Variants in MUC4 observed in about 807,000 individuals in gnomAD.
MUC4 encodes mucin-4.
In MUC4, 202 loss-of-function variants were observed where a neutral mutation model predicts 257.9. The ratio of observed to expected loss-of-function variants is 0.78; its 90% CI spans 0.70 to 0.88. The LOEUF is 0.88. MUC4 is among the 40% of genes least tolerant of loss of function. MUC4 has a pLI of 0.00. For missense variants in MUC4, 5,976 were observed against 6,513.7 expected (o/e 0.92, Z 2.84); for synonymous variants, 2,351 against 2,757.1 (o/e 0.85, Z 4.62).
rs1560403842 is a variant in MUC4, at chr3:195,791,217, T to C, written c.363A>G (p.Thr121=). The change falls in exon 2 of 25, where the codon ACA becomes ACG. Residue 121 remains threonine (T), a synonymous_variant. Coordinates refer to ENST00000463781, the MANE Select transcript of MUC4 (RefSeq NM_018406.7). ...METAPPDEMT[T]SFPSSVTNTL... is the part of the protein sequence containing the mutation. Reference sequence around the variant, plus strand: ...TGTTGGTGACACTGGAGGGAAATGATGTGGTCATTTCATCTGGAGGAGCTG... The same window carrying C: ...TGTTGGTGACACTGGAGGGAAATGACGTGGTCATTTCATCTGGAGGAGCTG... 6.2e-7 allele frequency: 1 copy of C among 1,613,728 alleles called. No homozygotes were observed. Among genetic ancestry groups the C allele is most frequent in the South Asian group, 1.1e-5 (1 of 91,074 alleles).
rs1731439288 is a variant in MUC4, at chr3:195,785,760, A to ATACTGAGGAAGCGTCG, written c.5819_5820insCGACGCTTCCTCAGTA (p.Ser1941AspfsTer6). On this transcript the variant is annotated frameshift_variant, in exon 2 of 25. Transcript: ENST00000463781. LOFTEE classifies it high-confidence loss of function. ...GACCTGAGGATGCTGAGGAAGGGCT[A>ATACTGAGGAAGCGTCG]GTGACAGGAAGAGGCGTGGTGTCAC... 1.6e-6 allele frequency: 1 copy of ATACTGAGGAAGCGTCG among 629,734 alleles called. No individual in the cohort carries two copies. Among genetic ancestry groups the ATACTGAGGAAGCGTCG allele is most frequent in the Non-Finnish European group, 2.1e-6 (1 of 468,250 alleles). The allele number at this position is 629,734 out of a possible 1,614,324, so 39.0% of individuals were successfully genotyped here.
At chr3:195,748,710 G>A (rs1174882157) in intron 24 of MUC4, among the ~76,000 whole-genome samples, 192 bp downstream of exon 24, 2 of 152,284 alleles carry the variant, frequency 1.3e-5, no homozygotes, top group Non-Finnish European at 2.9e-5. Context: ...GCTCTTTTGG[G>A]TTTCAGAGTT....
chr3:195,754,389 G>C lies in MUC4; in HGVS notation c.15169-17C>G. 1 of 1,594,248 alleles carries C rather than the reference G, an allele frequency of 6.3e-7. No individual in the cohort carries two copies. Among genetic ancestry groups the C allele is most frequent in the African/African-American group, 1.3e-5 (1 of 74,552 alleles). ...GCCAGCCACCTGGAGGAGGGTTGCC[G>C]ATCACGGGCGGCCAGGAGACCAAAC... On this transcript the variant is annotated splice_polypyrimidine_tract_variant and intron_variant, in intron 18 of 24. Transcript: ENST00000463781.
At chr3:195,801,863 C>G (rs982364340) in intron 1 of MUC4, among the ~76,000 whole-genome samples, 4 of 152,142 alleles carry the variant, frequency 2.6e-5, no homozygotes, top group Non-Finnish European at 4.4e-5. Flanking sequence ...ACCACCCAGC[C>G]TCACCCTCAT....
rs1732258717 is a variant in MUC4, at chr3:195,786,765, G to C, written c.4815C>G (p.Ser1605Arg). Residue 1605 changes from serine to arginine, a missense_variant, in exon 2 of 25, where the codon AGC becomes AGG. Physicochemically the swap from Ser to Arg is moderately radical, Grantham distance 110. This residue lies in a region of MUC4 where 61 missense variants were observed against 100.2 expected (regional missense o/e 0.61). Coordinates refer to ENST00000463781, the MANE Select transcript of MUC4 (RefSeq NM_018406.7). ...TGTGACCTGTAGATGCTGAGGAAGGGCTGGTGACAGGAAGAGGGGTGGTGT... is the reference window on the plus strand; with the variant it reads ...TGTGACCTGTAGATGCTGAGGAAGGCCTGGTGACAGGAAGAGGGGTGGTGT... ...KGDTTPLPVT[S>R]PSSASTGHTT... The C allele has an allele frequency of 1.4e-6, 2 of 1,480,526 alleles. No homozygotes were observed. Among genetic ancestry groups the C allele is most frequent in the East Asian group, 2.7e-5 (1 of 37,730 alleles). 91.7% of individuals were successfully genotyped at this position (1,480,526 alleles called of 1,614,324 possible).
chr3:195,771,575 C>A, intron 5 of MUC4, 77 bp downstream of exon 5: 1 of 1,521,254 alleles, frequency 6.6e-7, no homozygotes, highest in Non-Finnish European at 8.9e-7. Flanking sequence ...GCAACTCTGG[C>A]AAAGCCTTCC....
intron 6 of MUC4, 100 bp from the exon 7 acceptor site, chr3:195,769,252 A>G: frequency 6.7e-7 from 1 of 1,501,206 alleles, no homozygotes; most frequent in Non-Finnish European, 9.0e-7. Context: ...TCTGACACGC[A>G]CAGCACCTGT....
Position 195,786,866 on chromosome 3 carries a change from T to G in MUC4, c.4714A>C (p.Thr1572Pro). ...STGHTTPLPV[T>P]SPSSASTGHT... ...CCTGTAGATGCTGAGGAAGGGCTGG[T>G]GACAGGAAGAGGGGTGGTGTGACCT... The change falls in exon 2 of 25, where the codon ACC (threonine) becomes CCC (proline). Residue 1572 changes from threonine to proline, a missense_variant. Physicochemically the swap from Thr to Pro is conservative, Grantham distance 38 (BLOSUM62 -1). This residue lies in a region of MUC4 where 63 missense variants were observed against 68.8 expected (regional missense o/e 0.92). Transcript: ENST00000463781. 1 of 1,537,714 alleles carries G rather than the reference T, an allele frequency of 6.5e-7. No homozygotes were observed. The highest frequency in any genetic ancestry group is 8.8e-7 in the Non-Finnish European group (1 of 1,139,760).
rs763962187 is a variant in MUC4, at chr3:195,764,169, G to A, written c.13925-5C>T. The A allele has an allele frequency of 2.9e-5, 45 of 1,561,472 alleles. No homozygotes were observed. Among genetic ancestry groups the A allele is most frequent in the African/African-American group, 4.1e-5 (3 of 73,582 alleles). On this transcript the variant is annotated splice_polypyrimidine_tract_variant and splice_region_variant and intron_variant, in intron 10 of 24. Transcript: ENST00000463781. ...TCTGTGGCTCCAGTTCCTGGGCTGC[G>A]GAGAACAGCAGTGAGTCGGGGAGGT...
chr3:195,781,065 A>T lies in MUC4; in HGVS notation c.10515T>A (p.Leu3505=), dbSNP rs1374377791. The part of the protein sequence containing the change: ...SSASTGDTST[L]PVTGASSAST... ...ATGCTGAGGAAGCGCCGGTGACAGG[A>T]AGAGTGCTGGTGTCACCTGTGGATG... is the stretch of plus-strand genomic sequence containing the variant. Residue 3505 remains leucine, a synonymous_variant, in exon 2 of 25, where the codon CTT becomes CTA. Transcript: ENST00000463781. The T allele has an allele frequency of 6.0e-4, 895 of 1,494,894 alleles. 97 individuals are homozygous for T. The Middle Eastern group carries it at 7.5e-3, about 13-fold the overall frequency. 92.6% of individuals were successfully genotyped at this position (1,494,894 alleles called of 1,614,324 possible).
At position 195,810,076 on chromosome 3, in the gene MUC4, T is replaced by G. The variant is rs1207333651; in HGVS notation, c.82+1660A>C. 7.2e-6 allele frequency: 1 copy of G among 138,630 alleles called. No individual in the cohort carries two copies. 8.6% of individuals were successfully genotyped at this position (138,630 alleles called of 1,614,324 possible). On this transcript the variant is annotated intron_variant, in intron 1 of 24. Transcript: ENST00000463781. This position sits in a 1 kb window ranked among gnomAD's most constrained non-coding sequence, Gnocchi z 4.2. ...CCTTCCGGCCTCCACGTCCTCACGG[T>G]GGGATGAGCACTGGAGCGGGGTTGT...
chr3:195,778,732 G>C, intron 2 of MUC4, 58 bp downstream of exon 2: 1 of 1,507,394 alleles, frequency 6.6e-7, no homozygotes, highest in Non-Finnish European at 9.0e-7. Context: ...TACTCCTTAG[G>C]CTGAATTCCG....
Position 195,788,723 on chromosome 3 carries a change from C to G in MUC4, c.2857G>C (p.Glu953Gln), listed in dbSNP as rs13095016. Residue 953 changes from glutamate (E) to glutamine (Q), a missense_variant, in exon 2 of 25, where the codon GAG becomes CAG. Physicochemically the swap from Glu to Gln is conservative, Grantham distance 29. Coordinates refer to ENST00000463781, the MANE Select transcript of MUC4 (RefSeq NM_018406.7). ...TSTGLTSPQT[E>Q]THTLSPSGSG... is the part of the protein sequence containing the mutation. ...CCTGAAGGTGACAGAGTGTGGGTCTCGGTTTGTGGAGATGTAAGCCCAGTG... is the reference window on the plus strand; with the variant it reads ...CCTGAAGGTGACAGAGTGTGGGTCTGGGTTTGTGGAGATGTAAGCCCAGTG... 0.81 allele frequency: 1,297,771 copies of G among 1,610,614 alleles called. 527,048 individuals carry two copies. The highest frequency in any genetic ancestry group is 0.83 in the Non-Finnish European group (981,527 of 1,178,288).
Position 195,810,076 on chromosome 3 carries a change from T to C in MUC4, c.82+1660A>G, listed in dbSNP as rs1207333651. 4 of 138,632 alleles carry C rather than the reference T, an allele frequency of 2.9e-5. No homozygotes were observed. The East Asian group carries it at 8.8e-4, about 30-fold the overall frequency. 8.6% of individuals were successfully genotyped at this position (138,632 alleles called of 1,614,324 possible). ...CCTTCCGGCCTCCACGTCCTCACGGTGGGATGAGCACTGGAGCGGGGTTGT... is the reference window on the plus strand; with the variant it reads ...CCTTCCGGCCTCCACGTCCTCACGGCGGGATGAGCACTGGAGCGGGGTTGT... On this transcript the variant is annotated intron_variant, in intron 1 of 24. Coordinates refer to ENST00000463781, the MANE Select transcript of MUC4 (RefSeq NM_018406.7). This position sits in a 1 kb window ranked among gnomAD's most constrained non-coding sequence, Gnocchi z 4.2.
At chr3:195,776,925 T>C (rs1334042541) in intron 3 of MUC4, among the ~76,000 whole-genome samples, 1 of 1,066 alleles carries the variant, frequency 9.4e-4, no homozygotes, top group African/African-American at 2.1e-3. Context: ...CCTTCCACAG[T>C]CATACCTTCC....
chr3:195,770,202 A>AG lies in MUC4; in HGVS notation c.13398+13dup. On this transcript the variant is annotated intron_variant, in intron 6 of 24. Coordinates refer to ENST00000463781, the MANE Select transcript of MUC4 (RefSeq NM_018406.7). ...CCCAGATAGCTCCTGGGAGCTGCCC[A>AG]GGGGTCTACTCACCCCGAGGGTCCA... The AG allele has an allele frequency of 1.3e-6, 2 of 1,582,650 alleles. No homozygotes were observed. The highest frequency in any genetic ancestry group is 1.7e-6 in the Non-Finnish European group (2 of 1,166,568).
intron 1 of MUC4, among the ~76,000 whole-genome samples, chr3:195,798,584 G>C (rs1187142573): frequency 6.7e-6 from 1 of 149,802 alleles, no homozygotes; most frequent in African/African-American, 2.4e-5. Context: ...GGCGCCTGTA[G>C]TCCCAGCTAC....
At position 195,765,250 on chromosome 3, in the gene MUC4, G is replaced by T; in HGVS notation, c.13798+20C>A. The stretch of plus-strand genomic sequence containing the variant: ...AGAGGGTGGTGGGTGGGCTTGTGGG[G>T]GGCGGGAAGGAGGTGTCACCTATGC... On this transcript the variant is annotated intron_variant, in intron 9 of 24. Transcript: ENST00000463781. 1 of 1,598,786 alleles carries T rather than the reference G, an allele frequency of 6.3e-7. No individual in the cohort carries two copies. The highest frequency in any genetic ancestry group is 8.5e-7 in the Non-Finnish European group (1 of 1,170,232).
rs750951235 is a variant in MUC4 at position 195,750,976 on chromosome 3, A to G, written c.15784T>C (p.Tyr5262His). ...TCCTCACTCCTCCGTGGAACGTGGT[A>G]TAAGAACGCCTCCACCACCGCGGCC... Reference protein sequence around the residue: ...LLAAVVEAFLYHVPRRSEEPR... With the variant: ...LLAAVVEAFLHHVPRRSEEPR... Residue 5262 changes from tyrosine to histidine, a missense_variant, in exon 23 of 25, where the codon TAC (tyrosine) becomes CAC (histidine). Physicochemically the swap from Tyr to His is moderately conservative, Grantham distance 83. Transcript: ENST00000463781. 3 of 1,613,820 alleles carry G rather than the reference A, an allele frequency of 1.9e-6. No individual in the cohort carries two copies. Among genetic ancestry groups the G allele is most frequent in the Non-Finnish European group, 2.5e-6 (3 of 1,179,988 alleles).
Sources: gnomAD v4.1 joint callset for allele counts (sites outside exome capture counted in the v4.1 genomes callset) on GRCh38, gnomAD v4.1.1 for gene constraint, gnomAD v4.1.1 regional missense constraint, Gnocchi (gnomAD v3.1) non-coding constraint, MANE v1.5 for transcripts, NCBI Gene and HGNC (gene_info 2026-07-23, HGNC 2026-07-21) for gene names.